The following JAK2 variants were observed in gnomAD, a reference collection of about 807,000 sequenced individuals.
JAK2 encodes Janus kinase 2, also known as tyrosine-protein kinase JAK2.
JAK2 carries 86 observed loss-of-function variants against 139.3 expected under a neutral mutation model. That is an observed-to-expected ratio of 0.62 (90% CI 0.52 to 0.74). The LOEUF (loss-of-function observed/expected upper bound fraction) is 0.74, where lower values mean the gene tolerates loss of function less well. Among genes scored for constraint, JAK2 ranks in the 30% least tolerant of loss-of-function variants. JAK2 has a pLI of 0.00. For missense variants in JAK2, 1,421 were observed against 1,360.3 expected, an observed-to-expected ratio of 1.04 and a Z score of -0.70; for synonymous variants, 490 against 437.7, an observed-to-expected ratio of 1.12 and a Z score of -1.49.
intron 4 of JAK2, among the ~76,000 whole-genome samples, chr9:5,033,577 GC>G (rs1398269279): frequency 4.1e-4 from 62 of 152,254 alleles, no homozygotes; most frequent in African/African-American, 1.5e-3. Context: ...GAGAGTGGGG[GC>G]CAATATTCAA....
At chr9:5,115,185 A>C (rs1393508505) in intron 22 of JAK2, among the ~76,000 whole-genome samples, 5 of 152,166 alleles carry the variant, frequency 3.3e-5, no homozygotes, top group Admixed American at 2.6e-4. Flanking sequence ...GGCTAATATC[A>C]AGAATCTACA....
In JAK2 at chr9:5,022,214, G is replaced by GT. The variant is rs1822477465; in HGVS notation, c.226+2dup. The GT allele has an allele frequency of 6.2e-7, 1 of 1,609,230 alleles. No homozygotes were observed. The highest frequency in any genetic ancestry group is 8.5e-7 in the Non-Finnish European group (1 of 1,176,006). ...TGTATTGCTGCTTCTAAAGCTTGTG[G>GT]TAAGTATTAAAAAACAGCATTTTCC... On this transcript the variant is annotated splice_donor_variant, in intron 3 of 24. Coordinates refer to ENST00000381652, the MANE Select transcript of JAK2 (RefSeq NM_004972.4). LOFTEE classifies it high-confidence loss of function.
chr9:5,004,092 C>T (rs1169305367), intron 2 of JAK2, among the ~76,000 whole-genome samples: 1 of 152,080 alleles, frequency 6.6e-6, no homozygotes, highest in Non-Finnish European at 1.5e-5. Flanking sequence ...ATGGCAAAAT[C>T]AGTCTAATTA....
At position 5,129,064 on chromosome 9, in the gene JAK2, A is replaced by G. The variant is rs1028946578; in HGVS notation, c.*2273A>G. Among the ~76,000 whole-genome samples, 2 of 152,014 alleles carry G rather than the reference A, an allele frequency of 1.3e-5. No individual in the cohort carries two copies. The highest frequency in any genetic ancestry group is 1.3e-4 in the Admixed American group (2 of 15,252). ...CTATGGAAGAGTGTTCTTTTAACCT[A>G]AGGCTTCTAGTTTACAGTCAAGTGT... On this transcript the variant is annotated 3_prime_UTR_variant, in exon 25 of 25. Coordinates refer to ENST00000381652, the MANE Select transcript of JAK2 (RefSeq NM_004972.4).
At chr9:5,041,023 G>T in intron 4 of JAK2, 1 of 669,302 alleles carries the variant, frequency 1.5e-6, no homozygotes. Context: ...GCTGCACCTG[G>T]GTACCGGTTC....
intron 8 of JAK2, among the ~76,000 whole-genome samples, chr9:5,057,095 T>A (rs994504678): frequency 9.8e-5 from 15 of 152,300 alleles, no homozygotes; most frequent in African/African-American, 3.4e-4. Flanking sequence ...ATACATTGTA[T>A]TTCTCCTTGT....
intron 9 of JAK2, among the ~76,000 whole-genome samples, chr9:5,065,682 A>T (rs774672740): frequency 2.6e-5 from 4 of 152,174 alleles, no homozygotes; most frequent in Non-Finnish European, 5.9e-5. Context: ...TCCTTACTTT[A>T]ATACTGGGTA....
intron 19 of JAK2, among the ~76,000 whole-genome samples, chr9:5,083,919 C>CA (rs1189969716): frequency 6.6e-6 from 1 of 152,102 alleles, no homozygotes; most frequent in Admixed American, 6.5e-5. Context: ...TCTATATATA[C>CA]AATTCTATAT....
intron 4 of JAK2, among the ~76,000 whole-genome samples, chr9:5,032,596 G>A (rs1426620777): frequency 6.6e-6 from 1 of 152,166 alleles, no homozygotes; most frequent in Non-Finnish European, 1.5e-5. Flanking sequence ...ACCAATATCC[G>A]CTGTTCTGCA....
At chr9:5,104,195 G>T (rs1333649044) in intron 22 of JAK2, among the ~76,000 whole-genome samples, 1 of 151,536 alleles carries the variant, frequency 6.6e-6, no homozygotes, top group Non-Finnish European at 1.5e-5. Context: ...AAAGAGAGAA[G>T]AATCAAATAG....
At chr9:5,111,457 G>T in intron 22 of JAK2, 1 of 387,424 alleles carries the variant, frequency 2.6e-6, no homozygotes. Context: ...TTCCATCCTC[G>T]GCGTACCTGC....
chr9:5,014,548 G>C (rs1821923181), intron 2 of JAK2, among the ~76,000 whole-genome samples: 1 of 152,112 alleles, frequency 6.6e-6, no homozygotes, highest in Non-Finnish European at 1.5e-5. Flanking sequence ...AACAGCTGTG[G>C]CCACTTGAGT....
intron 12 of JAK2, 105 bp from the exon 13 acceptor site, chr9:5,072,387 T>C (rs1348572310): frequency 2.7e-6 from 2 of 747,668 alleles, no homozygotes; most frequent in Non-Finnish European, 4.0e-6. Flanking sequence ...AGGAAAATAC[T>C]TGCTTATGGA....
intron 22 of JAK2, chr9:5,097,428 G>C (rs1180341178): frequency 1.3e-5 from 2 of 152,074 alleles, no homozygotes; most frequent in Non-Finnish European, 2.9e-5. Flanking sequence ...CCCATGTCGT[G>C]ACGTATTACT....
chr9:5,002,787 T>C (rs568147723), intron 2 of JAK2, among the ~76,000 whole-genome samples: 6 of 152,152 alleles, frequency 3.9e-5, no homozygotes, highest in African/African-American at 1.4e-4. Flanking sequence ...AATTGGAAAC[T>C]ATTATTGTGT....
chr9:5,005,694 T>C (rs1301778520), intron 2 of JAK2, among the ~76,000 whole-genome samples: 1 of 152,206 alleles, frequency 6.6e-6, no homozygotes, highest in Non-Finnish European at 1.5e-5. Flanking sequence ...GGTAAGTGTT[T>C]TTTATTTTCT....
In JAK2 at chr9:5,012,912, A is replaced by C. The variant is rs549336789; in HGVS notation, c.-25-9051A>C. On this transcript the variant is annotated intron_variant, in intron 2 of 24. Coordinates refer to ENST00000381652, the MANE Select transcript of JAK2 (RefSeq NM_004972.4). Reference sequence around the variant, plus strand: ...TGGGAGGCAAAGTAGACTTAGGGAAAATAGTTAGGAGGACATTGCAATAGT... The same window carrying C: ...TGGGAGGCAAAGTAGACTTAGGGAACATAGTTAGGAGGACATTGCAATAGT... 2.0e-5 allele frequency among the ~76,000 whole-genome samples: 3 copies of C among 152,304 alleles called. No homozygotes were observed. The East Asian group carries it at 5.8e-4, about 29-fold the overall frequency.
intron 18 of JAK2, 50 bp from the exon 19 acceptor site, chr9:5,081,675 A>G (rs938990352): frequency 1.5e-6 from 2 of 1,378,640 alleles, no homozygotes; most frequent in African/African-American, 2.9e-5. Context: ...AGTTTAGTCC[A>G]GAGAATGTTA....
chr9:5,088,961 A>G (rs990056860), intron 19 of JAK2, among the ~76,000 whole-genome samples: 2 of 152,252 alleles, frequency 1.3e-5, no homozygotes, highest in South Asian at 2.1e-4. Flanking sequence ...CATTTAGCCC[A>G]TAACAGACAC....
Sources: gnomAD v4.1 joint callset for allele counts (sites outside exome capture counted in the v4.1 genomes callset) on GRCh38, gnomAD v4.1.1 for gene constraint, MANE v1.5 for transcripts, NCBI Gene and HGNC (gene_info 2026-07-23, HGNC 2026-07-21) for gene names.